The following ZNF521 variants were observed in gnomAD, a reference collection of about 807,000 sequenced individuals.
ZNF521 encodes the protein zinc finger protein 521, also known as LYST-interacting protein 3.
ZNF521 carries 14 observed loss-of-function variants against 105.5 expected under a neutral mutation model. That is an observed-to-expected ratio of 0.13 (90% CI 0.09 to 0.21). The LOEUF (loss-of-function observed/expected upper bound fraction) is 0.21. ZNF521 is among the 10% of genes least tolerant of loss of function. The pLI is 1.00. For synonymous variants in ZNF521, 635 were observed against 606.0 expected, an observed-to-expected ratio of 1.05 and a Z score of -0.70; for missense variants, 1,233 against 1,629.7, an observed-to-expected ratio of 0.76 and a Z score of 4.19.
chr18:25,321,271 G>C (rs1021945959), intron 3 of ZNF521, among the ~76,000 whole-genome samples: 1 of 152,164 alleles, frequency 6.6e-6, no homozygotes, highest in Non-Finnish European at 1.5e-5. Flanking sequence ...CATTCTTGTA[G>C]GATATATTTT....
intron 3 of ZNF521, among the ~76,000 whole-genome samples, chr18:25,291,041 G>A (rs559846597): frequency 1.4e-4 from 22 of 152,084 alleles, no homozygotes; most frequent in East Asian, 7.7e-4. Flanking sequence ...TGTTACAGAG[G>A]ACTAGCATTA....
At chr18:25,127,504 G>C (rs1041798777) in intron 5 of ZNF521, among the ~76,000 whole-genome samples, 4 of 151,708 alleles carry the variant, frequency 2.6e-5, no homozygotes, top group Non-Finnish European at 4.4e-5. Context: ...AGGAAACTGA[G>C]GAAAAAGGAG....
At chr18:25,140,314 T>G (rs1401771334) in intron 5 of ZNF521, among the ~76,000 whole-genome samples, 1 of 152,212 alleles carries the variant, frequency 6.6e-6, no homozygotes, top group Non-Finnish European at 1.5e-5. Context: ...GGCTGAGATT[T>G]CTGTGCCAAA....
intron 4 of ZNF521, among the ~76,000 whole-genome samples, chr18:25,203,898 G>T (rs1387669521): frequency 6.6e-6 from 1 of 152,158 alleles, no homozygotes; most frequent in Admixed American, 6.5e-5. Flanking sequence ...GCCCCTGGTG[G>T]GAGGTATTTG....
intron 2 of ZNF521, among the ~76,000 whole-genome samples, chr18:25,346,162 C>A (rs1413620615): frequency 2.0e-5 from 3 of 151,926 alleles, no homozygotes; most frequent in Non-Finnish European, 2.9e-5. Context: ...TACCTTTACA[C>A]ACAAACTTGG....
intron 3 of ZNF521, among the ~76,000 whole-genome samples, chr18:25,240,029 T>C (rs1481572735): frequency 6.6e-6 from 1 of 152,056 alleles, no homozygotes; most frequent in Non-Finnish European, 1.5e-5. Flanking sequence ...CCCATACTTA[T>C]CAGAAGCAGT....
intron 4 of ZNF521, among the ~76,000 whole-genome samples, chr18:25,222,729 A>G (rs141432200): frequency 6.6e-5 from 10 of 152,394 alleles, no homozygotes; most frequent in African/African-American, 2.4e-4. Flanking sequence ...TCAAAAACTT[A>G]AAAATATGAG....
intron 5 of ZNF521, among the ~76,000 whole-genome samples, chr18:25,194,057 A>T (rs2035862743): frequency 6.6e-6 from 1 of 151,854 alleles, no homozygotes; most frequent in Admixed American, 6.6e-5. Flanking sequence ...AATGATCAGA[A>T]ATGACAGGGG....
intron 7 of ZNF521, chr18:25,082,715 A>G: frequency 2.5e-6 from 1 of 405,042 alleles, no homozygotes; most frequent in Admixed American, 2.8e-5. Flanking sequence ...GGCAGTGTGA[A>G]CCTGTAATCC....
chr18:25,142,204 C>T (rs1282897137), intron 5 of ZNF521, among the ~76,000 whole-genome samples: 1 of 152,098 alleles, frequency 6.6e-6, no homozygotes, highest in East Asian at 1.9e-4. Context: ...ACCAGACTGA[C>T]ACCGTTTGGA....
intron 3 of ZNF521, among the ~76,000 whole-genome samples, chr18:25,239,182 G>A (rs759980193): frequency 1.3e-5 from 2 of 152,120 alleles, no homozygotes; most frequent in Non-Finnish European, 2.9e-5. Flanking sequence ...CCCACTTTGA[G>A]TAGGACTCCA....
chr18:25,166,602 C>T (rs2035346306), intron 5 of ZNF521, among the ~76,000 whole-genome samples: 1 of 152,140 alleles, frequency 6.6e-6, no homozygotes, highest in Admixed American at 6.5e-5. Context: ...AATCTTTCTT[C>T]TTTCTGTTGT....
chr18:25,322,186 G>T lies in ZNF521; in HGVS notation c.42C>A (p.Asp14Glu), dbSNP rs371773169. Residue 14 changes from aspartate (D) to glutamate (E), a missense_variant and splice_region_variant, in exon 3 of 8, where the codon GAC becomes GAA. This residue lies in a region of ZNF521 where 76 missense variants were observed against 79.3 expected (regional missense o/e 0.96). Transcript: ENST00000361524. The stretch of plus-strand genomic sequence containing the variant: ...TCTTGTCTTCAAGTTTACAGTTGGG[G>T]TCTGAAAAATATCAACACTGTAAGT... ...RKQAKPRSLK[D>E]PNCKLEDKTE... is the part of the protein sequence containing the mutation. 36 of 1,613,912 alleles carry T rather than the reference G, an allele frequency of 2.2e-5. No homozygotes were observed. In the African/African-American group the frequency reaches 3.7e-4, roughly 17 times the overall value.
chr18:25,074,995 T>G (rs2033325302), intron 7 of ZNF521, among the ~76,000 whole-genome samples: 2 of 152,180 alleles, frequency 1.3e-5, no homozygotes, highest in Admixed American at 1.3e-4. Context: ...AAAAAATCTC[T>G]TTAAAGTGAA....
chr18:25,099,683 T>C (rs2033927065), intron 5 of ZNF521, among the ~76,000 whole-genome samples: 1 of 152,238 alleles, frequency 6.6e-6, no homozygotes, highest in African/African-American at 2.4e-5. Context: ...TCCATTCTTT[T>C]AATTAATTGG....
chr18:25,170,573 G>T (rs762128330), intron 5 of ZNF521, among the ~76,000 whole-genome samples: 1 of 152,052 alleles, frequency 6.6e-6, no homozygotes, highest in Admixed American at 6.6e-5. Context: ...ACTATCTCTG[G>T]TTTCAAATGA....
chr18:25,163,728 A>G (rs1434002808), intron 5 of ZNF521, among the ~76,000 whole-genome samples: 16 of 152,216 alleles, frequency 1.1e-4, no homozygotes, highest in Admixed American at 1.0e-3. Flanking sequence ...CAAGTGAAAA[A>G]AAGAAATGGA....
At chr18:25,077,652 C>T (rs2033394432) in intron 7 of ZNF521, among the ~76,000 whole-genome samples, 1 of 152,136 alleles carries the variant, frequency 6.6e-6, no homozygotes, top group African/African-American at 2.4e-5. Context: ...ATGAGAGATG[C>T]TAAACAATGC....
chr18:25,343,543 C>G, intron 2 of ZNF521, among the ~76,000 whole-genome samples: 1 of 152,176 alleles, frequency 6.6e-6, no homozygotes, highest in South Asian at 2.1e-4. Context: ...AAATATAAAT[C>G]CAACAAACTG....
Sources: allele counts gnomAD v4.1 joint callset (sites outside exome capture counted in the v4.1 genomes callset), GRCh38; gene constraint gnomAD v4.1.1; regional missense constraint gnomAD v4.1.1; transcripts MANE v1.5; gene names NCBI Gene and HGNC (gene_info 2026-07-23, HGNC 2026-07-21).